The following TRPC4AP variants were observed in gnomAD, a reference collection of about 807,000 sequenced individuals.
The protein encoded by TRPC4AP is short transient receptor potential channel 4-associated protein.
In TRPC4AP, 45 loss-of-function variants were observed where a neutral mutation model predicts 99.0. The ratio of observed to expected loss-of-function variants is 0.45; its 90% CI spans 0.36 to 0.58. TRPC4AP has a LOEUF of 0.58. Ranked by LOEUF, TRPC4AP falls within the 20% of genes least tolerant of loss-of-function variation. The pLI is 0.00. For missense variants in TRPC4AP, 879 were observed against 985.3 expected (o/e 0.89, Z 1.44); for synonymous variants, 408 against 385.8 (o/e 1.06, Z -0.67).
chr20:35,078,262 C>T (rs2084537565), intron 1 of TRPC4AP, 88 bp from the exon 2 acceptor site: 2 of 1,401,616 alleles, frequency 1.4e-6, no homozygotes, highest in East Asian at 2.4e-5. Context: ...CTTCCAAACC[C>T]ACCCAGGACA....
chr20:35,048,986 G>A (rs980267249), intron 6 of TRPC4AP, among the ~76,000 whole-genome samples: 5 of 152,144 alleles, frequency 3.3e-5, no homozygotes, highest in East Asian at 1.9e-4. Flanking sequence ...AGAAATGAAC[G>A]CTGGGTTCAC....
intron 9 of TRPC4AP, among the ~76,000 whole-genome samples, chr20:35,016,727 C>T (rs1216844275): frequency 6.6e-6 from 1 of 152,184 alleles, no homozygotes; most frequent in Non-Finnish European, 1.5e-5. Context: ...ACCACCTAAA[C>T]CTTTAAAAAT....
intron 13 of TRPC4AP, among the ~76,000 whole-genome samples, 191 bp downstream of exon 13, chr20:35,008,473 C>A (rs2082561001): frequency 6.6e-6 from 1 of 152,230 alleles, no homozygotes; most frequent in Non-Finnish European, 1.5e-5. Flanking sequence ...TCACTGTGGG[C>A]TGCAGAAGAA....
chr20:35,080,146 A>C (rs1362862736), intron 1 of TRPC4AP, among the ~76,000 whole-genome samples: 1 of 152,142 alleles, frequency 6.6e-6, no homozygotes, highest in East Asian at 1.9e-4. Context: ...GTAATGATGT[A>C]CTGATACTAC....
chr20:35,072,460 A>G (rs961748395), intron 2 of TRPC4AP, among the ~76,000 whole-genome samples: 5 of 152,290 alleles, frequency 3.3e-5, no homozygotes, highest in Middle Eastern at 3.4e-3. Flanking sequence ...ATTTTTGTAT[A>G]AAGTGTAAGG....
chr20:35,034,728 T>A (rs1481689446), intron 8 of TRPC4AP, among the ~76,000 whole-genome samples: 1 of 152,096 alleles, frequency 6.6e-6, no homozygotes, highest in East Asian at 1.9e-4. Flanking sequence ...TAATAGGCAG[T>A]CTTCTGCCTA....
chr20:35,057,580 A>C lies in TRPC4AP; in HGVS notation c.415-9T>G, dbSNP rs1178861926. Reference sequence around the variant, plus strand: ...AGAATTTCTACAAGAAGCTATAAAAAAAATTAGATAAAATCTTCAAAATTA... The same window carrying C: ...AGAATTTCTACAAGAAGCTATAAAACAAATTAGATAAAATCTTCAAAATTA... On this transcript the variant is annotated splice_polypyrimidine_tract_variant and intron_variant, in intron 3 of 18. Coordinates refer to ENST00000252015, the MANE Select transcript of TRPC4AP (RefSeq NM_015638.3). 6.3e-7 allele frequency: 1 copy of C among 1,597,568 alleles called. No individual in the cohort carries two copies.
intron 8 of TRPC4AP, among the ~76,000 whole-genome samples, chr20:35,032,617 C>T (rs1192714771): frequency 5.3e-5 from 8 of 151,820 alleles, no homozygotes; most frequent in Middle Eastern, 3.4e-3. Context: ...GGACTACAGG[C>T]GCCTGCCACC....
In TRPC4AP at chr20:35,003,046, CAGAG is replaced by C; in HGVS notation, c.*96_*99del. ...CCTGTACCCAAAGACCTGGGGCAGGCAGAGAGCAGCAGGGAGGAACGGGAACAGG... is the reference window on the plus strand; with the variant it reads ...CCTGTACCCAAAGACCTGGGGCAGGCAGCAGCAGGGAGGAACGGGAACAGG... On this transcript the variant is annotated 3_prime_UTR_variant, in exon 19 of 19. Coordinates refer to ENST00000252015, the MANE Select transcript of TRPC4AP (RefSeq NM_015638.3). 2.6e-6 allele frequency: 4 copies of C among 1,514,550 alleles called. No homozygotes were observed. The highest frequency in any genetic ancestry group is 3.6e-6 in the Non-Finnish European group (4 of 1,118,056). 93.8% of individuals were successfully genotyped at this position (1,514,550 alleles called of 1,614,324 possible).
At chr20:35,084,584 GTTTATATGCATATATGTGTATATGTATA>G (rs2084763019) in intron 1 of TRPC4AP, among the ~76,000 whole-genome samples, 1 of 135,984 alleles carries the variant, frequency 7.4e-6, no homozygotes. Flanking sequence ...ATGTATATAT[GTTTATATGCATATATGTGTATATGTATA>G]TATGTTTATA....
intron 8 of TRPC4AP, among the ~76,000 whole-genome samples, chr20:35,024,854 A>AAAAAAAAAAAACAACAT (rs1479270980): frequency 1.1e-5 from 1 of 89,480 alleles, no homozygotes; most frequent in Non-Finnish European, 2.3e-5. Flanking sequence ...AAAAAAAAAA[A>AAAAAAAAAAAACAACAT]ATTCTGTTTA....
intron 3 of TRPC4AP, among the ~76,000 whole-genome samples, chr20:35,059,856 TGAA>T (rs138877577): frequency 0.015 from 2,202 of 145,904 alleles, 69 homozygotes; most frequent in African/African-American, 0.054. Flanking sequence ...AAGATGAAGA[TGAA>T]GAAAAGATGA....
intron 3 of TRPC4AP, 25 bp downstream of exon 3, chr20:35,069,271 G>C (rs1233420305): frequency 7.7e-7 from 1 of 1,300,448 alleles, no homozygotes; most frequent in Admixed American, 1.8e-5. Context: ...AGTAACAGCA[G>C]TAGTAATAAT....
At chr20:35,008,100 C>T (rs1430865551) in intron 13 of TRPC4AP, among the ~76,000 whole-genome samples, 1 of 152,250 alleles carries the variant, frequency 6.6e-6, no homozygotes, top group East Asian at 1.9e-4. Flanking sequence ...GAGGGCACAG[C>T]GGGTATCCAC....
intron 8 of TRPC4AP, among the ~76,000 whole-genome samples, chr20:35,025,664 A>G (rs2083012026): frequency 6.6e-6 from 1 of 152,160 alleles, no homozygotes; most frequent in Non-Finnish European, 1.5e-5. Context: ...CTTATTAGAT[A>G]TATTATTTGC....
At position 35,069,285 on chromosome 20, in the gene TRPC4AP, T is replaced by C. The variant is rs192639285; in HGVS notation, c.414+11A>G. ...TAGTAACAGCAGTAGTAATAATAAA[T>C]AGCTACTTACATCAACACCTCCAAA... On this transcript the variant is annotated intron_variant, in intron 3 of 18. Coordinates refer to ENST00000252015, the MANE Select transcript of TRPC4AP (RefSeq NM_015638.3). The C allele has an allele frequency of 7.5e-3, 11,039 of 1,474,480 alleles. 72 individuals are homozygous for C. The highest frequency in any genetic ancestry group is 0.016 in the South Asian group (1,352 of 85,928). The allele number at this position is 1,474,480 out of a possible 1,614,324, so 91.3% of individuals were successfully genotyped here.
chr20:35,081,120 G>A (rs920382132), intron 1 of TRPC4AP, among the ~76,000 whole-genome samples: 2 of 152,082 alleles, frequency 1.3e-5, no homozygotes, highest in Admixed American at 6.6e-5. Context: ...GGGAACAAAG[G>A]ATAGGACATT....
intron 9 of TRPC4AP, among the ~76,000 whole-genome samples, chr20:35,018,009 C>T (rs2082793452): frequency 6.6e-6 from 1 of 152,186 alleles, no homozygotes; most frequent in Admixed American, 6.5e-5. Flanking sequence ...CGGCTGACAT[C>T]TATGGTGTTC....
Position 35,092,748 on chromosome 20 carries a change from C to G in TRPC4AP, c.34G>C (p.Ala12Pro). 1 of 1,556,320 alleles carries G rather than the reference C, an allele frequency of 6.4e-7. No individual in the cohort carries two copies. Among genetic ancestry groups the G allele is most frequent in the Middle Eastern group, 1.8e-4 (1 of 5,460 alleles). The change falls in exon 1 of 19, where the codon GCC becomes CCC. Residue 12 changes from alanine (A) to proline (P), a missense_variant. This residue lies in a region of TRPC4AP where 603 missense variants were observed against 631.8 expected (regional missense o/e 0.95). Transcript: ENST00000252015. ...AAAPVAAGSG[A>P]GRGRRSAATV... ...GCTGCCGACCGTCTCCCTCGGCCGG[C>G]TCCAGACCCAGCCGCTACCGGCGCC...
Sources: allele counts gnomAD v4.1 joint callset (sites outside exome capture counted in the v4.1 genomes callset), GRCh38; gene constraint gnomAD v4.1.1; regional missense constraint gnomAD v4.1.1; transcripts MANE v1.5; gene names NCBI Gene and HGNC (gene_info 2026-07-23, HGNC 2026-07-21).